The following ZFPM2 variants were observed in gnomAD, a reference collection of about 807,000 sequenced individuals.
ZFPM2 encodes the protein zinc finger protein ZFPM2.
Under a neutral mutation model 98.6 loss-of-function variants are expected in ZFPM2, and 20 were observed. That is an observed-to-expected ratio of 0.20 (90% CI 0.14 to 0.29). ZFPM2 has a LOEUF of 0.29. Ranked by LOEUF, ZFPM2 falls within the 10% of genes least tolerant of loss-of-function variation. The pLI is 1.00. For synonymous variants in ZFPM2, 518 were observed against 502.7 expected, an observed-to-expected ratio of 1.03 and a Z score of -0.41; for missense variants, 1,310 against 1,388.6, an observed-to-expected ratio of 0.94 and a Z score of 0.90.
chr8:105,327,892 A>G (rs1812143435), intron 1 of ZFPM2, among the ~76,000 whole-genome samples: 1 of 151,764 alleles, frequency 6.6e-6, no homozygotes, highest in African/African-American at 2.4e-5. Context: ...TTAATTTCCC[A>G]TAGCTAATGT....
intron 4 of ZFPM2, among the ~76,000 whole-genome samples, chr8:105,618,698 T>C (rs1816469732): frequency 6.6e-6 from 1 of 152,154 alleles, no homozygotes; most frequent in African/African-American, 2.4e-5. Flanking sequence ...TAAATGCGTT[T>C]ATTATATTTT....
In ZFPM2 at chr8:105,802,929, T is replaced by C; in HGVS notation, c.2847T>C (p.Ala949=). 1 of 1,613,382 alleles carries C rather than the reference T, an allele frequency of 6.2e-7. No homozygotes were observed. Among genetic ancestry groups the C allele is most frequent in the Admixed American group, 1.7e-5 (1 of 59,890 alleles). The part of the protein sequence containing the change: ...LQGLKVFSEA[A]QLIATKEENR... The stretch of plus-strand genomic sequence containing the variant: ...GCTTGAAGGTCTTTAGTGAAGCTGC[T>C]CAGCTCATTGCTACAAAAGAAGAAA... The change falls in exon 8 of 8, where the codon GCT becomes GCC. Residue 949 remains alanine, a synonymous_variant. Transcript: ENST00000407775.
chr8:105,380,627 A>AT (rs1810832630), intron 1 of ZFPM2, among the ~76,000 whole-genome samples: 1 of 20,686 alleles, frequency 4.8e-5, no homozygotes, highest in Non-Finnish European at 9.5e-5. Context: ...TATATATAAC[A>AT]TATATATTAT....
intron 3 of ZFPM2, among the ~76,000 whole-genome samples, chr8:105,470,966 C>CA (rs931050871): frequency 1.1e-4 from 17 of 151,802 alleles, no homozygotes; most frequent in Admixed American, 3.3e-4. Context: ...GCTGACATTT[C>CA]AAAAAAAATG....
chr8:105,393,337 C>CCTGCCTTTCTTTCTTT (rs1563637854), intron 1 of ZFPM2, among the ~76,000 whole-genome samples: 1 of 114,776 alleles, frequency 8.7e-6, no homozygotes, highest in Non-Finnish European at 1.8e-5. Context: ...TCTCTCTTTG[C>CCTGCCTTTCTTTCTTT]CTTTCTTTCT....
chr8:105,454,275 T>G (rs1216894694), intron 3 of ZFPM2, among the ~76,000 whole-genome samples: 5 of 151,986 alleles, frequency 3.3e-5, no homozygotes, highest in Non-Finnish European at 7.4e-5. Context: ...CCTGGTGGTG[T>G]TGTGTAGCAT....
rs370123265 is a variant in ZFPM2, at chr8:105,622,544, A to G, written c.421-11702A>G. On this transcript the variant is annotated intron_variant, in intron 4 of 7. Coordinates refer to ENST00000407775, the MANE Select transcript of ZFPM2 (RefSeq NM_012082.4). ...ATTTAAGACATTTTCCAGGGGCACT[A>G]TTAATAAAGGTTTATCTCATTTGAT... 2.6e-5 allele frequency among the ~76,000 whole-genome samples: 4 copies of G among 152,334 alleles called. No individual in the cohort carries two copies. The East Asian group carries it at 5.8e-4, about 22-fold the overall frequency.
At chr8:105,459,171 C>T (rs1812657600) in intron 3 of ZFPM2, among the ~76,000 whole-genome samples, 1 of 152,154 alleles carries the variant, frequency 6.6e-6, no homozygotes, top group Admixed American at 6.5e-5. Flanking sequence ...CTCAGCCTCC[C>T]AGATAGCTGG....
intron 3 of ZFPM2, among the ~76,000 whole-genome samples, chr8:105,495,982 G>C (rs2622634): frequency 0.55 from 84,110 of 151,926 alleles, 23,539 homozygotes; most frequent in East Asian, 0.69. Context: ...CTAATGTTAT[G>C]ATTTTACGTA....
At chr8:105,748,288 AAC>A (rs1812395483) in intron 5 of ZFPM2, among the ~76,000 whole-genome samples, 1 of 152,036 alleles carries the variant, frequency 6.6e-6, no homozygotes, top group African/African-American at 2.4e-5. Flanking sequence ...AATAGTTTAA[AAC>A]AGTCCTGGTC....
chr8:105,595,865 C>T (rs149735406), intron 4 of ZFPM2, among the ~76,000 whole-genome samples: 24 of 151,978 alleles, frequency 1.6e-4, no homozygotes, highest in African/African-American at 4.8e-4. Context: ...ATCTATTCCT[C>T]ATGATTAAAT....
At chr8:105,788,290 G>A (rs879901382) in intron 5 of ZFPM2, among the ~76,000 whole-genome samples, 10 of 152,052 alleles carry the variant, frequency 6.6e-5, no homozygotes, top group Non-Finnish European at 1.0e-4. Context: ...GAAGGAGAGA[G>A]ATAAATAACT....
intron 5 of ZFPM2, among the ~76,000 whole-genome samples, chr8:105,757,730 C>CT (rs774513861): frequency 6.6e-6 from 1 of 152,064 alleles, no homozygotes; most frequent in Non-Finnish European, 1.5e-5. Context: ...CTAAACAAAA[C>CT]TATGTAGTGG....
chr8:105,751,020 G>C (rs916307445), intron 5 of ZFPM2, among the ~76,000 whole-genome samples: 1 of 152,040 alleles, frequency 6.6e-6, no homozygotes, highest in African/African-American at 2.4e-5. Flanking sequence ...TGAATACAAG[G>C]TAGATTTTCC....
intron 5 of ZFPM2, among the ~76,000 whole-genome samples, chr8:105,655,945 A>AT (rs35547566): frequency 0.15 from 22,980 of 150,978 alleles, 2,103 homozygotes; most frequent in Non-Finnish European, 0.21. Flanking sequence ...TCATTCATTC[A>AT]TTTTTTTTTC....
At chr8:105,635,662 T>G (rs2130842180) in intron 5 of ZFPM2, among the ~76,000 whole-genome samples, 1 of 152,350 alleles carries the variant, frequency 6.6e-6, no homozygotes, top group Admixed American at 6.5e-5. Context: ...GGAATCAGTT[T>G]ACCAATGCCG....
At chr8:105,551,463 A>C (rs541375641) in intron 3 of ZFPM2, among the ~76,000 whole-genome samples, 1 of 152,262 alleles carries the variant, frequency 6.6e-6, no homozygotes, top group African/African-American at 2.4e-5. Context: ...GGTACTTGTT[A>C]TACTTGTTCT....
intron 4 of ZFPM2, among the ~76,000 whole-genome samples, chr8:105,590,449 G>A (rs1815817117): frequency 6.6e-6 from 1 of 152,138 alleles, no homozygotes; most frequent in Non-Finnish European, 1.5e-5. Context: ...CAATGCTTCT[G>A]TGTTAAGCCA....
intron 1 of ZFPM2, among the ~76,000 whole-genome samples, chr8:105,411,082 AT>A (rs996323429): frequency 6.6e-6 from 1 of 151,882 alleles, no homozygotes; most frequent in African/African-American, 2.4e-5. Flanking sequence ...CTGTGTCTAG[AT>A]TTTTTTAAAA....
Sources: gnomAD v4.1 joint callset for allele counts (sites outside exome capture counted in the v4.1 genomes callset) on GRCh38, gnomAD v4.1.1 for gene constraint, MANE v1.5 for transcripts, NCBI Gene and HGNC (gene_info 2026-07-23, HGNC 2026-07-21) for gene names.